The following RWDD1 variants were observed in gnomAD, a reference collection of about 807,000 sequenced individuals.
RWDD1 encodes RWD domain containing 1, also known as RWD domain-containing protein 1.
Under a neutral mutation model 31.6 loss-of-function variants are expected in RWDD1, and 17 were observed. That is an observed-to-expected ratio of 0.54 (90% confidence interval 0.37 to 0.81). The LOEUF (loss-of-function observed/expected upper bound fraction) is 0.81. Among genes scored for constraint, RWDD1 ranks in the 30% least tolerant of loss-of-function variants. RWDD1 has a pLI of 0.00. For synonymous variants in RWDD1, 78 were observed against 94.2 expected (o/e 0.83, Z 0.99); for missense variants, 204 against 274.5 (o/e 0.74, Z 1.82).
In RWDD1 at chr6:116,594,859, CA is replaced by C. The variant is rs1373233246; in HGVS notation, c.*1760del. 1 of 152,198 alleles carries C rather than the reference CA, an allele frequency of 6.6e-6. No individual in the cohort carries two copies. The highest frequency in any genetic ancestry group is 2.4e-5 in the African/African-American group (1 of 41,444). 9.4% of individuals were successfully genotyped at this position (152,198 alleles called of 1,614,324 possible). On this transcript the variant is annotated 3_prime_UTR_variant, in exon 7 of 7. Coordinates refer to ENST00000466444, the MANE Select transcript of RWDD1 (RefSeq NM_015952.4). ...ACATATGCCACATACCCACAAACAG[CA>C]ATATTAAGCCTTCATTTATTGTTGG...
At chr6:116,572,568 T>A (rs927599700) in intron 1 of RWDD1, 5 of 152,234 alleles carry the variant, frequency 3.3e-5, no homozygotes, top group African/African-American at 1.2e-4. Flanking sequence ...ATGCTTCGGA[T>A]GATTATAAAA....
chr6:116,576,349 C>CT (rs1464348413), intron 1 of RWDD1, among the ~76,000 whole-genome samples: 3 of 152,054 alleles, frequency 2.0e-5, no homozygotes, highest in Non-Finnish European at 4.4e-5. Context: ...TTGATTTCCA[C>CT]TTTTTTTTAG....
chr6:116,584,691 A>C (rs1028573539), intron 2 of RWDD1, 36 bp from the exon 3 acceptor site: 25 of 1,582,354 alleles, frequency 1.6e-5, no homozygotes, highest in Non-Finnish European at 2.1e-5. Flanking sequence ...CTTTACTTTT[A>C]AGGTATTCAC....
At chr6:116,575,987 A>G (rs948556495) in intron 1 of RWDD1, among the ~76,000 whole-genome samples, 2 of 152,224 alleles carry the variant, frequency 1.3e-5, no homozygotes, top group African/African-American at 4.8e-5. Flanking sequence ...AAACTGGGAA[A>G]TGTAATCTTT....
At chr6:116,587,459 G>A (rs1775063587) in intron 3 of RWDD1, among the ~76,000 whole-genome samples, 1 of 152,140 alleles carries the variant, frequency 6.6e-6, no homozygotes. Context: ...AACATTTATT[G>A]AACTTAGGAT....
intron 1 of RWDD1, among the ~76,000 whole-genome samples, chr6:116,575,230 G>C (rs1397510460): frequency 6.6e-6 from 1 of 151,484 alleles, no homozygotes; most frequent in African/African-American, 2.4e-5. Context: ...GGGATTACAG[G>C]GTGTGCCACC....
At chr6:116,590,170 T>C (rs964909643) in intron 4 of RWDD1, 102 bp from the exon 5 acceptor site, 1 of 563,408 alleles carries the variant, frequency 1.8e-6, no homozygotes, top group Non-Finnish European at 3.0e-6. Flanking sequence ...ATTTTTCTGT[T>C]TTTCTTATAA....
chr6:116,587,902 A>T (rs954752278), intron 3 of RWDD1, among the ~76,000 whole-genome samples: 2 of 151,954 alleles, frequency 1.3e-5, no homozygotes, highest in African/African-American at 4.8e-5. Flanking sequence ...TGGGATGGGG[A>T]TGTTCAGGCT....
In RWDD1 at chr6:116,591,812, C is replaced by A. The variant is rs547340780; in HGVS notation, c.610+862C>A. Among the ~76,000 whole-genome samples, 222 of 152,334 alleles carry A rather than the reference C, an allele frequency of 1.5e-3. 1 individual carries two copies. The highest frequency in any genetic ancestry group is 5.1e-3 in the African/African-American group (212 of 41,582). On this transcript the variant is annotated intron_variant, in intron 6 of 6. Transcript: ENST00000466444. ...CAGTTGGGAATCCTTTAGCTTCTGG[C>A]CTTTCAGCCTTGTTCTGGATTACCT...
chr6:116,576,562 A>G (rs908431422), intron 1 of RWDD1, among the ~76,000 whole-genome samples: 9 of 152,204 alleles, frequency 5.9e-5, no homozygotes, highest in African/African-American at 2.2e-4. Context: ...CTGGCTCCCC[A>G]GGTCCGGTAG....
chr6:116,576,249 T>C (rs1432032924), intron 1 of RWDD1, among the ~76,000 whole-genome samples: 1 of 152,250 alleles, frequency 6.6e-6, no homozygotes, highest in African/African-American at 2.4e-5. Context: ...AAAACAAACA[T>C]ATGATACTCT....
intron 3 of RWDD1, among the ~76,000 whole-genome samples, chr6:116,587,803 T>TG (rs1775071307): frequency 6.6e-6 from 1 of 152,042 alleles, no homozygotes; most frequent in Non-Finnish European, 1.5e-5. Context: ...CTGAAAATGT[T>TG]GGTACTCCAG....
At chr6:116,583,441 G>A (rs1774982069) in intron 2 of RWDD1, among the ~76,000 whole-genome samples, 1 of 152,042 alleles carries the variant, frequency 6.6e-6, no homozygotes, top group Admixed American at 6.6e-5. Context: ...GGGATCTAAT[G>A]CACAACATAG....
chr6:116,576,273 C>T (rs1480719747), intron 1 of RWDD1, among the ~76,000 whole-genome samples: 1 of 152,086 alleles, frequency 6.6e-6, no homozygotes, highest in Non-Finnish European at 1.5e-5. Flanking sequence ...CTAGAAATAC[C>T]ATCTTAGTTG....
rs1486450279 is a variant in RWDD1, at chr6:116,588,860, A to T, written c.289A>T (p.Met97Leu). 1.3e-6 allele frequency: 2 copies of T among 1,541,780 alleles called. No homozygotes were observed. Among genetic ancestry groups the T allele is most frequent in the Admixed American group, 2.3e-5 (1 of 43,778 alleles). Residue 97 changes from methionine (M) to leucine (L), a missense_variant, in exon 4 of 7, where the codon ATG becomes TTG. Transcript: ENST00000466444. Reference protein sequence around the residue: ...LALQAEENLGMVMIFTLVTAV... With the variant: ...LALQAEENLGLVMIFTLVTAV... The stretch of plus-strand genomic sequence containing the variant: ...TACACAGGCTGAAGAAAATCTTGGT[A>T]TGGTGATGATTTTTACTCTAGTGAC...
At chr6:116,589,669 C>T (rs951090831) in intron 4 of RWDD1, among the ~76,000 whole-genome samples, 1 of 151,968 alleles carries the variant, frequency 6.6e-6, no homozygotes, top group South Asian at 2.1e-4. Flanking sequence ...AAACTGGGAA[C>T]AAAAAGGGGT....
In RWDD1 at chr6:116,586,642, C is replaced by T. The variant is rs570355081; in HGVS notation, c.270+1785C>T. Among the ~76,000 whole-genome samples the T allele has an allele frequency of 1.3e-4, 20 of 152,254 alleles. No individual in the cohort carries two copies. The South Asian group carries it at 3.7e-3, about 28-fold the overall frequency. ...CTTTCAACATTCTTATATATCACTA[C>T]TTGTAAGTCCTTAGAGCAGGTTCTC... is the stretch of plus-strand genomic sequence containing the variant. On this transcript the variant is annotated intron_variant, in intron 3 of 6. Coordinates refer to ENST00000466444, the MANE Select transcript of RWDD1 (RefSeq NM_015952.4).
chr6:116,575,322 G>T (rs1046199899), intron 1 of RWDD1, among the ~76,000 whole-genome samples: 23 of 152,132 alleles, frequency 1.5e-4, no homozygotes, highest in Admixed American at 5.9e-4. Flanking sequence ...CTGGCCTCAA[G>T]TGATCCACCC....
At chr6:116,578,306 C>G (rs570534058) in intron 1 of RWDD1, among the ~76,000 whole-genome samples, 1 of 152,054 alleles carries the variant, frequency 6.6e-6, no homozygotes, top group Admixed American at 6.5e-5. Flanking sequence ...ATTTTTCTTT[C>G]TTAGTGGTAT....
Sources: allele counts gnomAD v4.1 joint callset (sites outside exome capture counted in the v4.1 genomes callset), GRCh38; gene constraint gnomAD v4.1.1; transcripts MANE v1.5; gene names NCBI Gene and HGNC (gene_info 2026-07-23, HGNC 2026-07-21).